The following C5orf63 variants were observed in gnomAD, a reference collection of about 807,000 sequenced individuals.
C5orf63 encodes glutaredoxin-like protein C5orf63.
A neutral mutation model predicts 13.3 loss-of-function variants in C5orf63; 18 were observed. The ratio of observed to expected loss-of-function variants is 1.36; its 90% CI spans 0.94 to 2.01. The LOEUF (loss-of-function observed/expected upper bound fraction) is 2.01. Among genes scored for constraint, C5orf63 ranks in the 30% most tolerant of loss-of-function variants. The pLI is 0.00. For synonymous variants in C5orf63, 38 were observed against 44.7 expected (o/e 0.85, Z 0.60); for missense variants, 118 against 127.7 (o/e 0.92, Z 0.36).
At chr5:127,063,403 A>G (rs1754183214) in intron 2 of C5orf63, among the ~76,000 whole-genome samples, 1 of 152,118 alleles carries the variant, frequency 6.6e-6, no homozygotes, top group South Asian at 2.1e-4. Flanking sequence ...GGAGCTGCCC[A>G]GGCTATGGCT....
chr5:127,047,072 C>T (rs1753536283), downstream of C5orf63: 1 of 152,224 alleles, frequency 6.6e-6, no homozygotes, highest in South Asian at 2.1e-4. Flanking sequence ...GTGCAATAAA[C>T]TGGCCAAAGA....
At chr5:127,049,307 C>G (rs1054107129), downstream of C5orf63, among the ~76,000 whole-genome samples, 3 of 152,178 alleles carry the variant, frequency 2.0e-5, no homozygotes, top group Non-Finnish European at 2.9e-5. Context: ...CTCCCCTTTA[C>G]TCCAGCCACA....
At chr5:127,057,510 C>G (rs77859366) in intron 3 of C5orf63, among the ~76,000 whole-genome samples, 2,575 of 152,280 alleles carry the variant, frequency 0.017, 70 homozygotes, top group African/African-American at 0.059. Context: ...AGCTTTATGG[C>G]TTAAAACTAG....
chr5:127,054,996 C>T (rs1753822646), intron 3 of C5orf63, among the ~76,000 whole-genome samples: 2 of 152,178 alleles, frequency 1.3e-5, no homozygotes, highest in Admixed American at 1.3e-4. Flanking sequence ...AATAGGAAAT[C>T]CTTTCCCCAT....
intron 3 of C5orf63, among the ~76,000 whole-genome samples, chr5:127,056,711 G>C (rs551709295): frequency 2.6e-5 from 4 of 152,322 alleles, no homozygotes; most frequent in Middle Eastern, 3.4e-3. Context: ...ATTTAACCCT[G>C]AGGATGCAAA....
intron 3 of C5orf63, among the ~76,000 whole-genome samples, chr5:127,055,968 T>G (rs771904096): frequency 6.6e-6 from 1 of 152,202 alleles, no homozygotes; most frequent in Non-Finnish European, 1.5e-5. Context: ...ACCAGTGGAA[T>G]GGACCATTCA....
rs963880026 is a variant in C5orf63, at chr5:127,063,329, T to A, written c.-7-4327A>T. On this transcript the variant is annotated intron_variant, in intron 2 of 4. Transcript: ENST00000296662. Reference sequence around the variant, plus strand: ...AGGGCACACCATTAAGGCAACTGATTATAGTACAGAAAGAAGCCAGGGTCG... The same window carrying A: ...AGGGCACACCATTAAGGCAACTGATAATAGTACAGAAAGAAGCCAGGGTCG... Among the ~76,000 whole-genome samples the A allele has an allele frequency of 3.3e-5, 5 of 152,318 alleles. No homozygotes were observed. The South Asian group carries it at 6.2e-4, about 19-fold the overall frequency.
intron 3 of C5orf63, among the ~76,000 whole-genome samples, chr5:127,053,305 T>C (rs1038767802): frequency 2.0e-5 from 3 of 152,206 alleles, no homozygotes; most frequent in African/African-American, 4.8e-5. Flanking sequence ...TTTGCACTCA[T>C]AAACCATCTA....
At chr5:127,044,653 T>C (rs941515021), downstream of C5orf63, 1 of 152,068 alleles carries the variant, frequency 6.6e-6, no homozygotes, top group Non-Finnish European at 1.5e-5. Context: ...CTGTGGACTA[T>C]AATGGGTTAC....
At chr5:127,071,237 G>A (rs1379493454) in intron 2 of C5orf63, among the ~76,000 whole-genome samples, 1 of 152,186 alleles carries the variant, frequency 6.6e-6, no homozygotes. Flanking sequence ...GGCTACAACA[G>A]TAAAAAGGCT....
intron 2 of C5orf63, among the ~76,000 whole-genome samples, chr5:127,063,439 G>C (rs1463029354): frequency 6.6e-6 from 1 of 152,154 alleles, no homozygotes; most frequent in African/African-American, 2.4e-5. Flanking sequence ...GGAGCTCCTG[G>C]ATTCTTCAAA....
chr5:127,065,525 T>C (rs1754298717), intron 2 of C5orf63, among the ~76,000 whole-genome samples: 1 of 152,166 alleles, frequency 6.6e-6, no homozygotes, highest in African/African-American at 2.4e-5. Flanking sequence ...AGGAATGACA[T>C]GGCTATCTGA....
At chr5:127,048,191 G>A (rs1753566511), downstream of C5orf63, among the ~76,000 whole-genome samples, 1 of 150,820 alleles carries the variant, frequency 6.6e-6, no homozygotes, top group Admixed American at 6.6e-5. Flanking sequence ...TGCCTGCAAC[G>A]AAGGTGCCCT....
rs780593775 is a variant in C5orf63, at chr5:127,051,505, A to C, written c.*266T>G. ...CTTCTCTATTAATACAAAAAGGATA[A>C]ATAAGACAAATGGACTTCTCCCTCC... On this transcript the variant is annotated 3_prime_UTR_variant, in exon 5 of 5. Coordinates refer to ENST00000296662, the MANE Select transcript of C5orf63 (RefSeq NM_001164478.2). The C allele has an allele frequency of 5.7e-6, 7 of 1,237,524 alleles. No homozygotes were observed. The highest frequency in any genetic ancestry group is 7.1e-6 in the Non-Finnish European group (7 of 991,328). 76.7% of individuals were successfully genotyped at this position (1,237,524 alleles called of 1,614,324 possible). A position where few individuals can be genotyped will look rare whatever the true frequency, so the allele number is the denominator to read the frequency against.
chr5:127,073,122 G>A (rs578195839), intron 1 of C5orf63: 13 of 152,004 alleles, frequency 8.6e-5, no homozygotes, highest in African/African-American at 2.9e-4. Flanking sequence ...CCCGGGACGG[G>A]GCATCGGCGA....
chr5:127,044,194 A>G (rs1753468961), downstream of C5orf63: 1 of 152,360 alleles, frequency 6.6e-6, no homozygotes, highest in East Asian at 1.9e-4. Flanking sequence ...GTTTTCCATC[A>G]GGAATTCCGT....
At position 127,051,761 on chromosome 5, in the gene C5orf63, A is replaced by T; in HGVS notation, c.*10T>A. On this transcript the variant is annotated 3_prime_UTR_variant, in exon 5 of 5. Coordinates refer to ENST00000296662, the MANE Select transcript of C5orf63 (RefSeq NM_001164478.2). Reference sequence around the variant, plus strand: ...TGGGAAGAGAGGGTGGAAAATCATGAGGGCATCAGTCAGCCTCCAGTACTT... The same window carrying T: ...TGGGAAGAGAGGGTGGAAAATCATGTGGGCATCAGTCAGCCTCCAGTACTT... 1 of 1,484,484 alleles carries T rather than the reference A, an allele frequency of 6.7e-7. No individual in the cohort carries two copies. Among genetic ancestry groups the T allele is most frequent in the Non-Finnish European group, 8.9e-7 (1 of 1,122,990 alleles). The allele number at this position is 1,484,484 out of a possible 1,614,324, so 92.0% of individuals were successfully genotyped here. A position where few individuals can be genotyped will look rare whatever the true frequency, so the allele number is the denominator to read the frequency against.
chr5:127,049,781 T>G (rs1180894573), downstream of C5orf63, among the ~76,000 whole-genome samples: 1 of 152,234 alleles, frequency 6.6e-6, no homozygotes, highest in Non-Finnish European at 1.5e-5. Flanking sequence ...TTGGTGTGGC[T>G]GGATTCTTGG....
At chr5:127,052,783 T>G (rs889934482) in intron 3 of C5orf63, 114 bp from the exon 4 acceptor site, 1 of 669,826 alleles carries the variant, frequency 1.5e-6, no homozygotes, top group African/African-American at 1.9e-5. Context: ...TTTTAAAGAA[T>G]AGTTTTCTAC....
Sources: gnomAD v4.1 joint callset for allele counts (sites outside exome capture counted in the v4.1 genomes callset) on GRCh38, gnomAD v4.1.1 for gene constraint, MANE v1.5 for transcripts, NCBI Gene and HGNC (gene_info 2026-07-23, HGNC 2026-07-21) for gene names.